Variants in FAM124A observed in about 807,000 individuals in gnomAD.
The protein encoded by FAM124A is protein FAM124A.
A neutral mutation model predicts 24.5 loss-of-function variants in FAM124A; 23 were observed. That is an observed-to-expected ratio of 0.94 (90% CI 0.68 to 1.33). The LOEUF is 1.33. Ranked by LOEUF, FAM124A falls within the 40% of genes most tolerant of loss-of-function variation. The pLI is 0.00. For missense variants in FAM124A, 623 were observed against 722.8 expected, an observed-to-expected ratio of 0.86 and a Z score of 1.58; for synonymous variants, 287 against 314.7, an observed-to-expected ratio of 0.91 and a Z score of 0.93.
chr13:51,245,544 C>T (rs1954550055), intron 2 of FAM124A: 3 of 447,270 alleles, frequency 6.7e-6, no homozygotes, highest in Admixed American at 8.1e-5. Flanking sequence ...TTGGGGGCTG[C>T]TTTTTTGTTA....
intron 3 of FAM124A, among the ~76,000 whole-genome samples, chr13:51,277,626 C>T (rs771998784): frequency 2.0e-5 from 3 of 152,166 alleles, no homozygotes; most frequent in Non-Finnish European, 2.9e-5. Context: ...AACCTTGTCT[C>T]TACTAAAAAT....
intron 1 of FAM124A, among the ~76,000 whole-genome samples, chr13:51,230,707 A>G (rs116561858): frequency 0.013 from 1,954 of 152,326 alleles, 28 homozygotes; most frequent in African/African-American, 0.035. Context: ...TTCTCAGCAT[A>G]GAAACTGAAA....
chr13:51,281,167 C>A lies in FAM124A; in HGVS notation c.1552C>A (p.Pro518Thr). 6.2e-7 allele frequency: 1 copy of A among 1,613,860 alleles called. No homozygotes were observed. Among genetic ancestry groups the A allele is most frequent in the East Asian group, 2.2e-5 (1 of 44,872 alleles). The stretch of plus-strand genomic sequence containing the variant: ...CTCCCCACAGCTCCCATGCGATACC[C>A]CCAAAGTCAAGCAGACTGATGGAGA... The part of the protein sequence containing the change: ...DSSPQLPCDT[P>T]KVKQTDGDMP... Residue 518 changes from proline to threonine, a missense_variant, in exon 4 of 4, where the codon CCC becomes ACC. Pro to Thr is a conservative substitution (Grantham distance 38). Transcript: ENST00000322475.
intron 2 of FAM124A, among the ~76,000 whole-genome samples, chr13:51,233,635 A>T (rs964689668): frequency 2.0e-5 from 3 of 152,196 alleles, no homozygotes; most frequent in Admixed American, 1.3e-4. Context: ...CCTCCCAGCC[A>T]GGAGCATAAA....
intron 2 of FAM124A, chr13:51,245,455 A>C (rs918311844): frequency 5.0e-6 from 3 of 598,876 alleles, no homozygotes; most frequent in Non-Finnish European, 8.9e-6. Flanking sequence ...TCCGGCATTC[A>C]TCTGTGCAAG....
chr13:51,230,113 A>T (rs947342077), intron 1 of FAM124A, among the ~76,000 whole-genome samples: 1 of 152,200 alleles, frequency 6.6e-6, no homozygotes, highest in Admixed American at 6.5e-5. Flanking sequence ...TAATATATAA[A>T]GGGATATGCA....
intron 2 of FAM124A, chr13:51,245,427 T>C (rs1350619621): frequency 6.4e-6 from 4 of 620,994 alleles, no homozygotes; most frequent in South Asian, 1.9e-5. Context: ...CAGGTAGCCC[T>C]TTTCTATTGG....
chr13:51,251,648 C>A lies in FAM124A; in HGVS notation c.281C>A (p.Pro94His), dbSNP rs1314788357. 1 of 1,580,958 alleles carries A rather than the reference C, an allele frequency of 6.3e-7. No homozygotes were observed. The change falls in exon 3 of 4, where the codon CCC becomes CAC. Residue 94 changes from proline (P) to histidine (H), a missense_variant. Pro to His is a moderately conservative substitution (Grantham distance 77, BLOSUM62 -2). Transcript: ENST00000322475. This position sits in a 1 kb window ranked among gnomAD's most constrained non-coding sequence, Gnocchi z 5.3. ...RRASRRRRKP[P>H]KGAQPALAVV... ...GCGTCCCGGCGGCGGCGGAAGCCCC[C>A]CAAGGGCGCTCAGCCAGCGCTGGCT... is the stretch of plus-strand genomic sequence containing the variant.
At chr13:51,240,887 A>G (rs1408349988) in intron 2 of FAM124A, among the ~76,000 whole-genome samples, 1 of 152,184 alleles carries the variant, frequency 6.6e-6, no homozygotes, top group African/African-American at 2.4e-5. Context: ...ATCCTTTCTC[A>G]GAACGCTTCT....
chr13:51,223,372 A>G (rs574407219), intron 1 of FAM124A, among the ~76,000 whole-genome samples: 14 of 152,104 alleles, frequency 9.2e-5, no homozygotes, highest in African/African-American at 3.4e-4. Context: ...TCTCTAAAGG[A>G]CTTTCCTGTG....
intron 2 of FAM124A, among the ~76,000 whole-genome samples, chr13:51,238,187 G>A (rs1447812481): frequency 6.6e-6 from 1 of 152,214 alleles, no homozygotes; most frequent in Admixed American, 6.5e-5. Flanking sequence ...TTTGTCAGCT[G>A]CCCAGGGAAG....
Position 51,246,202 on chromosome 13 carries a change from A to G in FAM124A, c.101-5266A>G, listed in dbSNP as rs972340526. ...TGGTTCTGGTCTGTGTTTTACCATA[A>G]TTCAACAGGTGCTCGCTAGGTCCTT... On this transcript the variant is annotated intron_variant, in intron 2 of 3. Coordinates refer to ENST00000322475, the MANE Select transcript of FAM124A (RefSeq NM_001242312.2). Among the ~76,000 whole-genome samples, 5 of 152,244 alleles carry G rather than the reference A, an allele frequency of 3.3e-5. No individual in the cohort carries two copies. The East Asian group carries it at 9.7e-4, about 29-fold the overall frequency.
chr13:51,232,124 C>G (rs914130274), intron 2 of FAM124A, among the ~76,000 whole-genome samples: 3 of 152,060 alleles, frequency 2.0e-5, no homozygotes, highest in African/African-American at 7.2e-5. Flanking sequence ...TTATTATATG[C>G]AGCAGAAAAT....
At chr13:51,248,015 G>T (rs771126763) in intron 2 of FAM124A, among the ~76,000 whole-genome samples, 4 of 152,166 alleles carry the variant, frequency 2.6e-5, no homozygotes, top group Non-Finnish European at 5.9e-5. Context: ...CATGATTCAG[G>T]TCTATATGGG....
chr13:51,259,748 G>GCTTGGCCACCTCCCCACCAGGGACAAGC (rs1350947485), intron 3 of FAM124A, among the ~76,000 whole-genome samples: 1 of 152,168 alleles, frequency 6.6e-6, no homozygotes, highest in Non-Finnish European at 1.5e-5. Flanking sequence ...CACATCACAG[G>GCTTGGCCACCTCCCCACCAGGGACAAGC]CTTGGCCACC....
chr13:51,241,287 C>A (rs188976735), intron 2 of FAM124A, among the ~76,000 whole-genome samples: 65 of 152,304 alleles, frequency 4.3e-4, no homozygotes, highest in Admixed American at 3.6e-3. Flanking sequence ...ATTATTTCTG[C>A]ATCCCATTCT....
chr13:51,222,927 C>CT (rs1446163519), intron 1 of FAM124A, among the ~76,000 whole-genome samples: 10 of 152,204 alleles, frequency 6.6e-5, no homozygotes, highest in African/African-American at 2.2e-4. Flanking sequence ...CCGGAGCCCC[C>CT]TGGAGTCCGG....
chr13:51,275,535 T>C (rs945655923), intron 3 of FAM124A, among the ~76,000 whole-genome samples: 12 of 152,296 alleles, frequency 7.9e-5, no homozygotes, highest in Non-Finnish European at 1.5e-4. Context: ...GCAATGCATA[T>C]ATCTAAGAAA....
At chr13:51,241,760 C>T (rs1257995027) in intron 2 of FAM124A, among the ~76,000 whole-genome samples, 1 of 152,098 alleles carries the variant, frequency 6.6e-6, no homozygotes, top group African/African-American at 2.4e-5. Context: ...AAAAATGAGT[C>T]CCCAGGCTCC....
Sources: gnomAD v4.1 joint callset for allele counts (sites outside exome capture counted in the v4.1 genomes callset) on GRCh38, gnomAD v4.1.1 for gene constraint, Gnocchi (gnomAD v3.1) non-coding constraint, MANE v1.5 for transcripts, NCBI Gene and HGNC (gene_info 2026-07-23, HGNC 2026-07-21) for gene names.